SSBP2: variants seen among roughly 807,000 people sequenced by gnomAD.
SSBP2 encodes the protein single-stranded DNA-binding protein 2.
In SSBP2, 17 loss-of-function variants were observed where a neutral mutation model predicts 61.8. The ratio of observed to expected loss-of-function variants is 0.28; its 90% CI spans 0.19 to 0.41. The LOEUF (loss-of-function observed/expected upper bound fraction) is 0.41, where lower values mean the gene tolerates loss of function less well. Ranked by LOEUF, SSBP2 falls within the 10% of genes least tolerant of loss-of-function variation. The pLI, the probability that SSBP2 is intolerant of heterozygous loss-of-function variation, is 1.00. For synonymous variants in SSBP2, 139 were observed against 141.3 expected (o/e 0.98, Z 0.12); for missense variants, 310 against 458.7 (o/e 0.68, Z 2.96).
intron 4 of SSBP2, among the ~76,000 whole-genome samples, chr5:81,568,553 G>T (rs2972242): frequency 3.3e-5 from 5 of 152,096 alleles, no homozygotes; most frequent in South Asian, 4.1e-4. Flanking sequence ...ATCCTTATGA[G>T]AGTAAGACAA....
intron 1 of SSBP2, among the ~76,000 whole-genome samples, chr5:81,657,693 T>C (rs1206577056): frequency 2.6e-5 from 4 of 152,292 alleles, no homozygotes; most frequent in African/African-American, 2.4e-5. Flanking sequence ...TAATGGTAGC[T>C]TTATGTCACC....
chr5:81,430,824 T>C (rs982634606), intron 15 of SSBP2, among the ~76,000 whole-genome samples: 5 of 152,194 alleles, frequency 3.3e-5, no homozygotes, highest in Non-Finnish European at 5.9e-5. Context: ...ATCAGATCTC[T>C]GAAACCTATT....
intron 1 of SSBP2, among the ~76,000 whole-genome samples, chr5:81,665,459 G>A (rs769106150): frequency 2.6e-5 from 4 of 151,974 alleles, no homozygotes; most frequent in Non-Finnish European, 5.9e-5. Flanking sequence ...TATAGACAAC[G>A]TAAAATAGAT....
chr5:81,445,681 AT>A (rs1230151093), intron 12 of SSBP2, among the ~76,000 whole-genome samples: 1 of 152,168 alleles, frequency 6.6e-6, no homozygotes, highest in Non-Finnish European at 1.5e-5. Context: ...AAAATTAAAA[AT>A]TTTTATTGGT....
chr5:81,444,838 T>C (rs1462164230), intron 12 of SSBP2, among the ~76,000 whole-genome samples: 1 of 151,646 alleles, frequency 6.6e-6, no homozygotes, highest in African/African-American at 2.4e-5. Context: ...GATTGGTATT[T>C]ATGGCCAGGC....
intron 4 of SSBP2, among the ~76,000 whole-genome samples, chr5:81,557,332 T>C (rs1772682787): frequency 1.3e-5 from 2 of 152,180 alleles, no homozygotes; most frequent in South Asian, 4.1e-4. Context: ...TTTCTTCATG[T>C]TTTTGTGCTT....
chr5:81,531,142 G>A (rs1303540989), intron 4 of SSBP2, among the ~76,000 whole-genome samples: 1 of 151,260 alleles, frequency 6.6e-6, no homozygotes, highest in Non-Finnish European at 1.5e-5. Context: ...GAAGGCTGAG[G>A]TGGGTGAATC....
At chr5:81,632,599 C>A (rs1171221727) in intron 3 of SSBP2, among the ~76,000 whole-genome samples, 5 of 152,068 alleles carry the variant, frequency 3.3e-5, no homozygotes. Context: ...ATGGTCCTCT[C>A]CCCTCTCACT....
intron 1 of SSBP2, among the ~76,000 whole-genome samples, chr5:81,687,909 G>A (rs1311144476): frequency 2.0e-5 from 3 of 152,146 alleles, no homozygotes; most frequent in Non-Finnish European, 4.4e-5. Flanking sequence ...CTGGCTTCAG[G>A]TGCGACCCAG....
At chr5:81,471,117 G>A (rs1032238079) in intron 8 of SSBP2, among the ~76,000 whole-genome samples, 4 of 151,678 alleles carry the variant, frequency 2.6e-5, no homozygotes, top group Admixed American at 1.3e-4. Flanking sequence ...TTCATACCAG[G>A]ACACTTAATT....
At chr5:81,629,680 TTTTAAG>T (rs1309735858) in intron 3 of SSBP2, among the ~76,000 whole-genome samples, 1 of 152,246 alleles carries the variant, frequency 6.6e-6, no homozygotes, top group African/African-American at 2.4e-5. Context: ...CATATTTCTT[TTTTAAG>T]TTTATTTCCA....
intron 4 of SSBP2, among the ~76,000 whole-genome samples, chr5:81,577,259 T>C (rs971485168): frequency 2.0e-5 from 3 of 152,026 alleles, no homozygotes; most frequent in African/African-American, 7.2e-5. Context: ...ATTTTTGTTA[T>C]AAAAATCAGC....
In SSBP2 at chr5:81,750,739, C is replaced by T. The variant is rs911127973; in HGVS notation, c.62+242G>A. The T allele has an allele frequency of 1.6e-5, 9 of 558,052 alleles. No individual in the cohort carries two copies. The South Asian group carries it at 1.9e-4, about 12-fold the overall frequency. 34.6% of individuals were successfully genotyped at this position (558,052 alleles called of 1,614,324 possible). On this transcript the variant is annotated intron_variant, in intron 1 of 16. Coordinates refer to ENST00000320672, the MANE Select transcript of SSBP2 (RefSeq NM_012446.5). ...ATCCTCGCCACCAGCACCACCGCCG[C>T]CCCTCAACACACCCGGTCCCTCCCG...
At chr5:81,545,418 T>C (rs891859567) in intron 4 of SSBP2, among the ~76,000 whole-genome samples, 7 of 152,172 alleles carry the variant, frequency 4.6e-5, no homozygotes, top group Non-Finnish European at 7.4e-5. Flanking sequence ...AATACTATTT[T>C]AAAGAACAGT....
At chr5:81,438,484 A>G (rs1383303506) in intron 14 of SSBP2, among the ~76,000 whole-genome samples, 8 of 152,192 alleles carry the variant, frequency 5.3e-5, no homozygotes, top group Admixed American at 5.2e-4. Flanking sequence ...ATAATATAAC[A>G]TTTTAGTAGC....
intron 1 of SSBP2, among the ~76,000 whole-genome samples, chr5:81,662,893 G>A (rs944640998): frequency 5.9e-5 from 9 of 152,146 alleles, no homozygotes; most frequent in Admixed American, 3.3e-4. Flanking sequence ...TCCATTACAT[G>A]CTTGCCAACA....
intron 4 of SSBP2, among the ~76,000 whole-genome samples, chr5:81,590,645 A>C (rs1775428278): frequency 6.6e-6 from 1 of 152,238 alleles, no homozygotes; most frequent in Non-Finnish European, 1.5e-5. Context: ...GCTCACAAGA[A>C]AAACTGTTGG....
intron 6 of SSBP2, among the ~76,000 whole-genome samples, chr5:81,487,427 G>A (rs1766466509): frequency 6.6e-6 from 1 of 151,912 alleles, no homozygotes; most frequent in Admixed American, 6.6e-5. Flanking sequence ...GATTTTATTG[G>A]TAAATATTTA....
At chr5:81,478,165 T>A (rs1765718245) in intron 6 of SSBP2, among the ~76,000 whole-genome samples, 2 of 151,928 alleles carry the variant, frequency 1.3e-5, no homozygotes, top group Non-Finnish European at 2.9e-5. Flanking sequence ...AAAATTAACT[T>A]TTTTTTATTT....
Sources: gnomAD v4.1 joint callset for allele counts (sites outside exome capture counted in the v4.1 genomes callset) on GRCh38, gnomAD v4.1.1 for gene constraint, MANE v1.5 for transcripts, NCBI Gene and HGNC (gene_info 2026-07-23, HGNC 2026-07-21) for gene names.